The following GPC4 variants were observed in gnomAD, a reference collection of about 807,000 sequenced individuals.
The protein encoded by GPC4 is glypican 4, also known as glypican-4.
GPC4 carries 10 observed loss-of-function variants against 35.0 expected under a neutral mutation model. The observed-to-expected ratio is 0.29, with a 90% CI of 0.18 to 0.48. The LOEUF (loss-of-function observed/expected upper bound fraction) is 0.48, where lower values mean the gene tolerates loss of function less well. GPC4 is among the 20% of genes least tolerant of loss of function. The pLI is 0.99. For missense variants in GPC4, 322 were observed against 451.3 expected (o/e 0.71, Z 2.60); for synonymous variants, 167 against 170.2 (o/e 0.98, Z 0.15).
intron 1 of GPC4, among the ~76,000 whole-genome samples, chrX:133,391,151 G>C (rs1028154289): frequency 8.9e-6 from 1 of 112,059 alleles, no homozygotes; most frequent in Non-Finnish European, 1.9e-5. Flanking sequence ...TATTGCTGTT[G>C]TTGTTATCAT....
intron 2 of GPC4, among the ~76,000 whole-genome samples, chrX:133,327,923 G>T (rs1016817971): frequency 3.6e-5 from 4 of 110,439 alleles, no homozygotes; most frequent in Non-Finnish European, 7.6e-5. Flanking sequence ...CTCCAAATGG[G>T]TATGCAATTT....
At chrX:133,412,375 G>T (rs1314833270) in intron 1 of GPC4, among the ~76,000 whole-genome samples, 2 of 111,905 alleles carry the variant, frequency 1.8e-5, no homozygotes, top group Non-Finnish European at 3.8e-5. Flanking sequence ...AGACTCAAAT[G>T]AATGCCTCTA....
Position 133,307,082 on chromosome X carries a change from C to T in GPC4, c.878-928G>A, listed in dbSNP as rs770295826. ...AATGACAAAAAGGATGCTTCATTAA[C>T]GACAAACAGTGAACTTTTAAACTTG... On this transcript the variant is annotated intron_variant, in intron 4 of 8. Transcript: ENST00000370828. Among the ~76,000 whole-genome samples, 9 of 112,003 alleles carry T rather than the reference C, an allele frequency of 8.0e-5. No individual in the cohort carries two copies. The East Asian group carries it at 1.9e-3, about 24-fold the overall frequency.
rs763863134 is a variant in GPC4, at chrX:133,337,280, C to T, written c.319+1903G>A. On this transcript the variant is annotated intron_variant, in intron 2 of 8. Coordinates refer to ENST00000370828, the MANE Select transcript of GPC4 (RefSeq NM_001448.3). ...ATCCTTTTTAAAAAACACATGTTAACACTTACTGATAAAGTTTCTCTGTAT... is the reference window on the plus strand; with the variant it reads ...ATCCTTTTTAAAAAACACATGTTAATACTTACTGATAAAGTTTCTCTGTAT... 2.7e-5 allele frequency among the ~76,000 whole-genome samples: 3 copies of T among 112,428 alleles called. No homozygotes were observed. In the South Asian group the frequency reaches 1.1e-3, roughly 42 times the overall value.
At chrX:133,342,402 G>T (rs767145760) in intron 1 of GPC4, among the ~76,000 whole-genome samples, 1 of 111,494 alleles carries the variant, frequency 9.0e-6, no homozygotes, top group South Asian at 3.8e-4. Flanking sequence ...TTTCCGGGAA[G>T]ATTTTGTCTA....
At chrX:133,410,449 A>C (rs1569358372) in intron 1 of GPC4, among the ~76,000 whole-genome samples, 1 of 112,336 alleles carries the variant, frequency 8.9e-6, no homozygotes, top group African/African-American at 3.2e-5. Context: ...CAATCATGTA[A>C]GTTCCTTGGT....
intron 1 of GPC4, among the ~76,000 whole-genome samples, chrX:133,378,751 C>A (rs2068647630): frequency 9.0e-6 from 1 of 110,567 alleles, no homozygotes; most frequent in Non-Finnish European, 1.9e-5. Context: ...TTACCTGACA[C>A]AGAGGAAGAG....
At chrX:133,335,219 A>AG (rs2068436585) in intron 2 of GPC4, among the ~76,000 whole-genome samples, 1 of 111,418 alleles carries the variant, frequency 9.0e-6, no homozygotes, top group South Asian at 3.8e-4. Flanking sequence ...ATTGGCCAAG[A>AG]GGGGGAGCAG....
intron 1 of GPC4, among the ~76,000 whole-genome samples, chrX:133,361,653 C>T (rs1344871135): frequency 9.0e-6 from 1 of 111,262 alleles, no homozygotes; most frequent in African/African-American, 3.3e-5. Context: ...CAGAAAAGCA[C>T]CATTGCTGGT....
chrX:133,326,715 A>G (rs1047919821), intron 2 of GPC4, among the ~76,000 whole-genome samples: 2 of 112,706 alleles, frequency 1.8e-5, no homozygotes, highest in African/African-American at 6.4e-5. Context: ...TGTCTTTCCA[A>G]TGAATTGTGT....
At chrX:133,306,334 A>C (rs1352116777) in intron 4 of GPC4, among the ~76,000 whole-genome samples, 180 bp from the exon 5 acceptor site, 1 of 111,672 alleles carries the variant, frequency 9.0e-6, no homozygotes, top group African/African-American at 3.3e-5. Flanking sequence ...AACTGCATTT[A>C]GTCACTATGT....
At chrX:133,326,322 A>G (rs988686099) in intron 2 of GPC4, among the ~76,000 whole-genome samples, 2 of 111,613 alleles carry the variant, frequency 1.8e-5, no homozygotes, top group Non-Finnish European at 3.8e-5. Flanking sequence ...AAATCCCCTG[A>G]GTGGTTCTCA....
At chrX:133,404,887 C>CAAAAAAA (rs2068780910) in intron 1 of GPC4, among the ~76,000 whole-genome samples, 1 of 98,694 alleles carries the variant, frequency 1.0e-5, no homozygotes, top group African/African-American at 4.0e-5. Flanking sequence ...GGAACAAAAT[C>CAAAAAAA]ATAAACCACA....
chrX:133,312,301 C>T (rs1054766655), intron 3 of GPC4, among the ~76,000 whole-genome samples: 1 of 110,523 alleles, frequency 9.0e-6, no homozygotes, highest in Admixed American at 9.7e-5. Context: ...ATGCGTGTGG[C>T]CAGAATTTAG....
intron 2 of GPC4, among the ~76,000 whole-genome samples, chrX:133,331,422 T>C (rs1400877742): frequency 2.7e-5 from 3 of 111,730 alleles, no homozygotes; most frequent in Non-Finnish European, 5.6e-5. Flanking sequence ...AGAGGTACCA[T>C]ATAGCTTCAA....
At chrX:133,371,702 T>G (rs2068612890) in intron 1 of GPC4, among the ~76,000 whole-genome samples, 1 of 112,204 alleles carries the variant, frequency 8.9e-6, no homozygotes, top group Non-Finnish European at 1.9e-5. Flanking sequence ...TTGTCCAAAT[T>G]CGTTAATATA....
intron 1 of GPC4, among the ~76,000 whole-genome samples, chrX:133,365,691 C>T (rs1273476057): frequency 8.9e-6 from 1 of 112,171 alleles, no homozygotes; most frequent in Non-Finnish European, 1.9e-5. Context: ...AGAACACTAA[C>T]ATCTTAGGAA....
rs764601607 is a variant in GPC4, at chrX:133,305,817, G to A, written c.1110C>T (p.Pro370=). ...AFSARFRPHH[P]EERPTTAAGT... ...CAGCTGCTGTGGTTGGGCGTTCCTC[G>A]GGGTGATGTGGTCTGAAGCGAGCAC... Residue 370 remains proline, a synonymous_variant, in exon 6 of 9, where the codon CCC becomes CCT. Coordinates refer to ENST00000370828, the MANE Select transcript of GPC4 (RefSeq NM_001448.3). The A allele has an allele frequency of 9.1e-6, 11 of 1,210,089 alleles. No individual in the cohort carries two copies. Among genetic ancestry groups the A allele is most frequent in the Admixed American group, 2.2e-5 (1 of 45,751 alleles).
chrX:133,352,447 T>G (rs1465160351), intron 1 of GPC4, among the ~76,000 whole-genome samples: 1 of 110,458 alleles, frequency 9.1e-6, no homozygotes, highest in Non-Finnish European at 1.9e-5. Context: ...GAACAAAGAC[T>G]TCCCACACAC....
Sources: gnomAD v4.1 joint callset for allele counts (sites outside exome capture counted in the v4.1 genomes callset) on GRCh38, gnomAD v4.1.1 for gene constraint, MANE v1.5 for transcripts, NCBI Gene and HGNC (gene_info 2026-07-23, HGNC 2026-07-21) for gene names.